The following CLEC16A variants were observed in gnomAD, a reference collection of about 807,000 sequenced individuals.
CLEC16A encodes C-type lectin domain containing 16A.
CLEC16A carries 51 observed loss-of-function variants against 109.5 expected under a neutral mutation model. That is an observed-to-expected ratio of 0.47 (90% CI 0.37 to 0.59). The LOEUF is 0.59. CLEC16A is among the 20% of genes least tolerant of loss of function. The probability of loss-of-function intolerance (pLI) is 0.00; values close to 1 mark genes in which losing one functional copy is unlikely to be tolerated. For missense variants in CLEC16A, 1,339 were observed against 1,394.0 expected (o/e 0.96, Z 0.63); for synonymous variants, 673 against 564.2 (o/e 1.19, Z -2.73).
At position 10,971,008 on chromosome 16, in the gene CLEC16A, A is replaced by ATTTTTTTTTTTTTTTTTT. The variant is rs35498388; in HGVS notation, c.493-100_493-99insTTTTTTTTTTTTTTTTTT. The ATTTTTTTTTTTTTTTTTT allele has an allele frequency of 1.8e-5, 9 of 506,952 alleles. 1 individual carries two copies. The highest frequency in any genetic ancestry group is 1.7e-5 in the Non-Finnish European group (5 of 286,638). 31.4% of individuals were successfully genotyped at this position (506,952 alleles called of 1,614,324 possible). ...CTGACTTACGGTTCACATTGGCAAC[A>ATTTTTTTTTTTTTTTTTT]TTTTTTTTTTTTTTTTTGTCTTTTT... On this transcript the variant is annotated intron_variant, in intron 4 of 23. Transcript: ENST00000409790.
At chr16:11,035,500 G>C (rs2046970745) in intron 13 of CLEC16A, among the ~76,000 whole-genome samples, 1 of 151,874 alleles carries the variant, frequency 6.6e-6, no homozygotes, top group Non-Finnish European at 1.5e-5. Flanking sequence ...ATGGTACACG[G>C]CAGAGAGGAG....
At chr16:11,149,292 A>G (rs186685358) in intron 22 of CLEC16A, among the ~76,000 whole-genome samples, 1 of 152,296 alleles carries the variant, frequency 6.6e-6, no homozygotes, top group Non-Finnish European at 1.5e-5. Flanking sequence ...ATTACTGCAG[A>G]CCCGTTGTAT....
intron 1 of CLEC16A, among the ~76,000 whole-genome samples, chr16:10,951,710 G>A (rs1359877526): frequency 1.3e-5 from 2 of 152,210 alleles, no homozygotes; most frequent in African/African-American, 4.8e-5. Context: ...GAGAAAACAC[G>A]TTGTCATTCT....
intron 19 of CLEC16A, among the ~76,000 whole-genome samples, chr16:11,107,532 A>G (rs957399894): frequency 2.6e-5 from 4 of 152,234 alleles, no homozygotes; most frequent in East Asian, 3.8e-4. Flanking sequence ...TGAGTGTGCT[A>G]GTTCACACCC....
intron 22 of CLEC16A, among the ~76,000 whole-genome samples, chr16:11,158,791 A>T (rs969063694): frequency 6.6e-6 from 1 of 152,106 alleles, no homozygotes; most frequent in Admixed American, 6.5e-5. Flanking sequence ...ATGGTGGTGC[A>T]TGCCTGTAGT....
At chr16:10,947,086 G>A (rs1407939517) in intron 1 of CLEC16A, among the ~76,000 whole-genome samples, 1 of 152,236 alleles carries the variant, frequency 6.6e-6, no homozygotes, top group African/African-American at 2.4e-5. Context: ...TGGGTTCATT[G>A]TTTAGATCAC....
chr16:10,947,413 G>A (rs1181270391), intron 1 of CLEC16A, among the ~76,000 whole-genome samples: 1 of 152,206 alleles, frequency 6.6e-6, no homozygotes, highest in Non-Finnish European at 1.5e-5. Flanking sequence ...TGCTGAGATC[G>A]CCATGGACCC....
At chr16:11,093,692 G>A (rs1017370389) in intron 19 of CLEC16A, among the ~76,000 whole-genome samples, 4 of 152,212 alleles carry the variant, frequency 2.6e-5, no homozygotes, top group Non-Finnish European at 5.9e-5. Context: ...AGAGGGCAGG[G>A]CGTGTACAAG....
intron 16 of CLEC16A, among the ~76,000 whole-genome samples, chr16:11,044,547 GTTTA>G (rs1227680140): frequency 6.6e-6 from 1 of 152,058 alleles, no homozygotes; most frequent in Admixed American, 6.5e-5. Flanking sequence ...CTCTATTAAC[GTTTA>G]TTGAGATTTT....
intron 22 of CLEC16A, among the ~76,000 whole-genome samples, chr16:11,158,868 C>G (rs1421155700): frequency 1.3e-5 from 2 of 149,204 alleles, no homozygotes; most frequent in Admixed American, 6.7e-5. Context: ...TACAGGGAGC[C>G]AAGATCATGC....
At chr16:11,111,558 A>G (rs1202275369) in intron 19 of CLEC16A, among the ~76,000 whole-genome samples, 2 of 152,230 alleles carry the variant, frequency 1.3e-5, no homozygotes, top group Non-Finnish European at 2.9e-5. Flanking sequence ...AAGTCACACT[A>G]TGAGAAGAAC....
chr16:11,172,306 A>G (rs1284699113), intron 23 of CLEC16A, among the ~76,000 whole-genome samples: 1 of 152,148 alleles, frequency 6.6e-6, no homozygotes, highest in Non-Finnish European at 1.5e-5. Flanking sequence ...ATACACACTC[A>G]CACATAGATG....
At chr16:11,068,530 AC>A (rs2048887556) in intron 19 of CLEC16A, among the ~76,000 whole-genome samples, 2 of 152,276 alleles carry the variant, frequency 1.3e-5, no homozygotes, top group African/African-American at 4.8e-5. Context: ...GTACTCAGCT[AC>A]CTGCCCAACA....
chr16:11,044,883 G>A (rs904230977), intron 16 of CLEC16A, among the ~76,000 whole-genome samples: 19 of 144,482 alleles, frequency 1.3e-4, no homozygotes, highest in African/African-American at 2.3e-4. Context: ...CCAAGATAGC[G>A]CCATTGCCCT....
chr16:11,037,698 TC>T (rs1459736727), intron 13 of CLEC16A, among the ~76,000 whole-genome samples: 2 of 152,132 alleles, frequency 1.3e-5, no homozygotes, highest in Admixed American at 6.5e-5. Context: ...CTTTCTGCTA[TC>T]CTCTCTGAAG....
At chr16:11,166,088 G>A (rs752875632) in intron 22 of CLEC16A, among the ~76,000 whole-genome samples, 43 of 152,194 alleles carry the variant, frequency 2.8e-4, no homozygotes, top group Non-Finnish European at 4.4e-4. Flanking sequence ...CTCTTCAAGG[G>A]CACAGCTGGC....
At chr16:11,077,732 G>C (rs536921411) in intron 19 of CLEC16A, among the ~76,000 whole-genome samples, 1 of 152,176 alleles carries the variant, frequency 6.6e-6, no homozygotes, top group Non-Finnish European at 1.5e-5. Flanking sequence ...CTGTATTGCT[G>C]GTGACCAGCA....
chr16:11,074,423 G>A (rs2049239253), intron 19 of CLEC16A, among the ~76,000 whole-genome samples: 1 of 152,196 alleles, frequency 6.6e-6, no homozygotes, highest in African/African-American at 2.4e-5. Context: ...GATTGTAATA[G>A]AGCTGTCAGT....
At chr16:11,169,238 G>A (rs1000766025) in intron 23 of CLEC16A, among the ~76,000 whole-genome samples, 1 of 152,198 alleles carries the variant, frequency 6.6e-6, no homozygotes, top group African/African-American at 2.4e-5. Flanking sequence ...ACCCTCCGAA[G>A]TCAGAACTAG....
Sources: allele counts gnomAD v4.1 joint callset (sites outside exome capture counted in the v4.1 genomes callset), GRCh38; gene constraint gnomAD v4.1.1; transcripts MANE v1.5; gene names NCBI Gene and HGNC (gene_info 2026-07-23, HGNC 2026-07-21).